The following STRA8 variants were observed in gnomAD, a reference collection of about 807,000 sequenced individuals.
STRA8 encodes the protein stimulated by retinoic acid gene 8 protein homolog.
A neutral mutation model predicts 37.1 loss-of-function variants in STRA8; 18 were observed. The observed-to-expected ratio is 0.48, with a 90% CI of 0.34 to 0.72. The LOEUF (loss-of-function observed/expected upper bound fraction) is 0.72, where lower values mean the gene tolerates loss of function less well. Ranked by LOEUF, STRA8 falls within the 30% of genes least tolerant of loss-of-function variation. The pLI is 0.01. For synonymous variants in STRA8, 168 were observed against 162.9 expected (o/e 1.03, Z -0.24); for missense variants, 357 against 410.4 (o/e 0.87, Z 1.13).
chr7:135,241,207 A>G (rs1486466314), intron 2 of STRA8, among the ~76,000 whole-genome samples: 2 of 152,198 alleles, frequency 1.3e-5, no homozygotes, highest in African/African-American at 4.8e-5. Context: ...GAAATCAGTC[A>G]GCCCCTGGTT....
intron 2 of STRA8, among the ~76,000 whole-genome samples, chr7:135,241,838 C>A (rs1294690107): frequency 6.6e-6 from 1 of 152,138 alleles, no homozygotes; most frequent in Non-Finnish European, 1.5e-5. Context: ...CTGGGACTTA[C>A]CACATAGTTT....
intron 1 of STRA8, among the ~76,000 whole-genome samples, chr7:135,237,668 C>A (rs185431434): frequency 6.6e-6 from 1 of 152,064 alleles, no homozygotes; most frequent in African/African-American, 2.4e-5. Context: ...CCGAGGCAGG[C>A]GGATCAGGAG....
Position 135,242,846 on chromosome 7 carries a change from G to A in STRA8, c.258G>A (p.Leu86=). 6.2e-7 allele frequency: 1 copy of A among 1,614,246 alleles called. No individual in the cohort carries two copies. Among genetic ancestry groups the A allele is most frequent in the Non-Finnish European group, 8.5e-7 (1 of 1,180,028 alleles). ...TGGAGCAAACCCTGGATAATTTGCT[G>A]AAGCTGAAAGGTAATGGAGCACTAC... ...PELEQTLDNL[L]KLKASFNLED... is the part of the protein sequence containing the mutation. The change falls in exon 3 of 9, where the codon CTG becomes CTA. Residue 86 remains leucine, a synonymous_variant. Coordinates refer to ENST00000662584, the MANE Select transcript of STRA8 (RefSeq NM_001394401.1).
At position 135,252,011 on chromosome 7, in the gene STRA8, A is replaced by AGTGTGTGTGTGT. The variant is rs1348457120; in HGVS notation, c.953+143_953+144insTGTGTGTGTGTG. The AGTGTGTGTGTGT allele has an allele frequency of 9.3e-5, 60 of 647,292 alleles. No individual in the cohort carries two copies. The African/African-American group carries it at 1.4e-3, about 15-fold the overall frequency. The allele number at this position is 647,292 out of a possible 1,614,324, so 40.1% of individuals were successfully genotyped here. ...AGAGAGGAGACAGAGGGAGAGAGAGAGAGTGTGTGTGTGTGTGTGTGTGTG... is the reference window on the plus strand; with the variant it reads ...AGAGAGGAGACAGAGGGAGAGAGAGAGTGTGTGTGTGTGAGTGTGTGTGTGTGTGTGTGTGTG... On this transcript the variant is annotated intron_variant, in intron 7 of 8. Transcript: ENST00000662584.
intron 2 of STRA8, among the ~76,000 whole-genome samples, 186 bp downstream of exon 2, chr7:135,240,902 G>T (rs934090170): frequency 4.6e-5 from 7 of 152,180 alleles, no homozygotes; most frequent in African/African-American, 7.2e-5. Context: ...TCTGAAGCCT[G>T]TGAAGTCCAA....
intron 6 of STRA8, among the ~76,000 whole-genome samples, chr7:135,250,218 G>A (rs1832617818): frequency 1.3e-5 from 2 of 152,232 alleles, no homozygotes; most frequent in South Asian, 2.1e-4. Flanking sequence ...TGGAAAGGCT[G>A]TGGAGCCTGG....
At chr7:135,244,458 T>G (rs564774064) in intron 4 of STRA8, among the ~76,000 whole-genome samples, 1 of 152,252 alleles carries the variant, frequency 6.6e-6, no homozygotes, top group Non-Finnish European at 1.5e-5. Flanking sequence ...TATATCCTAT[T>G]GTTTCATTCT....
At chr7:135,241,447 C>T (rs1055014635) in intron 2 of STRA8, among the ~76,000 whole-genome samples, 8 of 152,188 alleles carry the variant, frequency 5.3e-5, no homozygotes, top group Non-Finnish European at 7.3e-5. Flanking sequence ...GGCTACTCTG[C>T]CCCCAGCTGC....
chr7:135,246,796 G>A lies in STRA8; in HGVS notation c.879+94G>A. The A allele has an allele frequency of 7.6e-7, 1 of 1,319,718 alleles. No homozygotes were observed. The highest frequency in any genetic ancestry group is 1.5e-5 in the African/African-American group (1 of 66,106). 81.8% of individuals were successfully genotyped at this position (1,319,718 alleles called of 1,614,324 possible). A position where few individuals can be genotyped will look rare whatever the true frequency, so the allele number is the denominator to read the frequency against. On this transcript the variant is annotated intron_variant, in intron 6 of 8. Coordinates refer to ENST00000662584, the MANE Select transcript of STRA8 (RefSeq NM_001394401.1). The surrounding 1 kb of genome is among the most constrained non-coding windows in gnomAD (Gnocchi z 5.4). ...AGGGCTTTGCATTTAGCAGGTTGGAGGTGCAGTTTGCCTTCTGGCTCCCAA... is the reference window on the plus strand; with the variant it reads ...AGGGCTTTGCATTTAGCAGGTTGGAAGTGCAGTTTGCCTTCTGGCTCCCAA...
At chr7:135,232,067 C>T, upstream of STRA8, 1 of 1,611,282 alleles carries the variant, frequency 6.2e-7, no homozygotes. Flanking sequence ...AACTTTCCCC[C>T]CAGGACTACA....
chr7:135,238,353 C>G (rs2077947), intron 1 of STRA8, among the ~76,000 whole-genome samples: 52,667 of 152,086 alleles, frequency 0.35, 9,485 homozygotes, highest in South Asian at 0.46. Context: ...CTAGAGGCGA[C>G]TGGTGGGAAG....
At chr7:135,252,090 A>T (rs1832646045) in intron 7 of STRA8, among the ~76,000 whole-genome samples, 1 of 151,342 alleles carries the variant, frequency 6.6e-6, no homozygotes, top group South Asian at 2.1e-4. Flanking sequence ...TGCAGTCCCT[A>T]GATGGGTGTT....
chr7:135,240,555 C>G lies in STRA8; in HGVS notation c.31C>G (p.His11Asp). Residue 11 changes from histidine to aspartate, a missense_variant, in exon 2 of 9, where the codon CAT becomes GAT. Coordinates refer to ENST00000662584, the MANE Select transcript of STRA8 (RefSeq NM_001394401.1). Reference protein sequence around the residue: MATPEENSNPHDRATPQLPAQ... With the variant: MATPEENSNPDDRATPQLPAQ... ...AACCCCTGAAGAAAACAGCAATCCC[C>G]ATGACAGAGCAACACCCCAGCTGCC... is the stretch of plus-strand genomic sequence containing the variant. The G allele has an allele frequency of 6.2e-7, 1 of 1,614,198 alleles. No homozygotes were observed. The highest frequency in any genetic ancestry group is 1.1e-5 in the South Asian group (1 of 91,082).
At chr7:135,245,192 T>C in intron 4 of STRA8, 96 bp from the exon 5 acceptor site, 1 of 754,650 alleles carries the variant, frequency 1.3e-6, no homozygotes, top group Admixed American at 1.8e-5. Context: ...CACACATACA[T>C]ATACATGTAT....
At chr7:135,253,123 C>T (rs1313116346) in intron 7 of STRA8, among the ~76,000 whole-genome samples, 1 of 152,126 alleles carries the variant, frequency 6.6e-6, no homozygotes, top group Non-Finnish European at 1.5e-5. Flanking sequence ...TTAGCAGAGA[C>T]AGGGTTTTGC....
chr7:135,258,432 C>T lies in STRA8; in HGVS notation c.1080C>T (p.Pro360=), dbSNP rs749230848. 1.7e-5 allele frequency: 28 copies of T among 1,605,254 alleles called. No homozygotes were observed. The highest frequency in any genetic ancestry group is 6.8e-5 in the Admixed American group (4 of 58,958). ...NTQVKQEASF[P]VDEEMIMLQC... ...GTGTCTTGCAGGAAGCATCCTTTCCCGTTGATGAAGAGATGATCATGTTGC... is the reference window on the plus strand; with the variant it reads ...GTGTCTTGCAGGAAGCATCCTTTCCTGTTGATGAAGAGATGATCATGTTGC... Residue 360 remains proline, a synonymous_variant, in exon 9 of 9, where the codon CCC becomes CCT. Transcript: ENST00000662584.
chr7:135,250,386 T>C (rs945039226), intron 6 of STRA8, among the ~76,000 whole-genome samples: 3 of 152,126 alleles, frequency 2.0e-5, no homozygotes, highest in Admixed American at 1.3e-4. Context: ...GCTGATAGGC[T>C]TCAGAGCTGA....
chr7:135,256,318 G>T (rs1362864252), intron 8 of STRA8, among the ~76,000 whole-genome samples: 2 of 152,168 alleles, frequency 1.3e-5, no homozygotes, highest in Non-Finnish European at 2.9e-5. Context: ...CTTCCTTGCA[G>T]TTTGCTCTCC....
At chr7:135,234,723 AAT>A (rs999745668) in intron 1 of STRA8, among the ~76,000 whole-genome samples, 1 of 152,236 alleles carries the variant, frequency 6.6e-6, no homozygotes, top group African/African-American at 2.4e-5. Context: ...AATTAATAAA[AAT>A]ATGTCATGTG....
Sources: allele counts gnomAD v4.1 joint callset (sites outside exome capture counted in the v4.1 genomes callset), GRCh38; gene constraint gnomAD v4.1.1; non-coding constraint Gnocchi (gnomAD v3.1); transcripts MANE v1.5; gene names NCBI Gene and HGNC (gene_info 2026-07-23, HGNC 2026-07-21).